Variants in HHAT observed in about 807,000 individuals in gnomAD.
HHAT encodes protein-cysteine N-palmitoyltransferase HHAT.
A neutral mutation model predicts 70.8 loss-of-function variants in HHAT; 47 were observed. The observed-to-expected ratio is 0.66, with a 90% confidence interval of 0.53 to 0.85. HHAT has a LOEUF of 0.85. Ranked by LOEUF, HHAT falls within the 40% of genes least tolerant of loss-of-function variation. HHAT has a pLI of 0.00. For synonymous variants in HHAT, 228 were observed against 247.6 expected (o/e 0.92, Z 0.74); for missense variants, 609 against 604.8 (o/e 1.01, Z -0.07).
intron 4 of HHAT, among the ~76,000 whole-genome samples, chr1:210,395,117 C>G (rs573698281): frequency 2.6e-5 from 4 of 152,224 alleles, no homozygotes; most frequent in African/African-American, 9.6e-5. Flanking sequence ...CCGAATAATG[C>G]TCCCATTGAG....
intron 9 of HHAT, among the ~76,000 whole-genome samples, chr1:210,555,299 G>C (rs905194457): frequency 1.3e-5 from 2 of 152,170 alleles, no homozygotes; most frequent in Non-Finnish European, 2.9e-5. Flanking sequence ...GTGACACCAG[G>C]GTGAAGCCCA....
chr1:210,504,986 C>T (rs755639725), intron 8 of HHAT, among the ~76,000 whole-genome samples: 2 of 150,382 alleles, frequency 1.3e-5, no homozygotes, highest in South Asian at 4.2e-4. Flanking sequence ...CCAACAACCA[C>T]CTCCTGGGTT....
intron 7 of HHAT, among the ~76,000 whole-genome samples, chr1:210,421,652 C>G (rs926413914): frequency 2.0e-5 from 3 of 152,086 alleles, no homozygotes; most frequent in Admixed American, 2.0e-4. Flanking sequence ...ACCATGTTGG[C>G]CAGGCTGGTC....
Position 210,359,712 on chromosome 1 carries a change from C to T in HHAT, c.92-3140C>T, listed in dbSNP as rs898987465. Among the ~76,000 whole-genome samples, 21 of 152,064 alleles carry T rather than the reference C, an allele frequency of 1.4e-4. 1 individual carries two copies. The highest frequency in any genetic ancestry group is 1.2e-3 in the Admixed American group (18 of 15,268). ...AGAAACCCCGTCTCTACTAAAAATA[C>T]AAAAATTAGCTGGGCATAGTGGTGC... On this transcript the variant is annotated intron_variant, in intron 2 of 11. Coordinates refer to ENST00000261458, the MANE Select transcript of HHAT (RefSeq NM_018194.6).
chr1:210,522,925 T>A (rs1214762907), intron 9 of HHAT, among the ~76,000 whole-genome samples: 1 of 152,182 alleles, frequency 6.6e-6, no homozygotes, highest in African/African-American at 2.4e-5. Flanking sequence ...GCTCAAGAAA[T>A]TGCTTGCCAG....
At position 210,674,370 on chromosome 1, in the gene HHAT, C is replaced by T; in HGVS notation, c.1473C>T (p.Ala491=). ...GCATTGCCTGGGCCCAGACCTACGCCACGGACTAATGCTGTTGGGCCCAGG... is the reference window on the plus strand; with the variant it reads ...GCATTGCCTGGGCCCAGACCTACGCTACGGACTAATGCTGTTGGGCCCAGG... The part of the protein sequence containing the change: ...HVGIAWAQTY[A]TD Residue 491 remains alanine (A), a synonymous_variant, in exon 12 of 12, where the codon GCC becomes GCT. Transcript: ENST00000261458. 6.2e-7 allele frequency: 1 copy of T among 1,613,812 alleles called. No homozygotes were observed. The highest frequency in any genetic ancestry group is 8.5e-7 in the Non-Finnish European group (1 of 1,179,702).
intron 3 of HHAT, among the ~76,000 whole-genome samples, chr1:210,386,233 T>TCTTTC (rs1479564678): frequency 4.4e-5 from 2 of 45,092 alleles, no homozygotes; most frequent in Non-Finnish European, 8.0e-5. Context: ...TTTTTTTCTT[T>TCTTTC]TTTTTTTTTT....
At chr1:210,517,513 A>G (rs1377719203) in intron 9 of HHAT, among the ~76,000 whole-genome samples, 5 of 152,140 alleles carry the variant, frequency 3.3e-5, no homozygotes, top group Admixed American at 2.0e-4. Context: ...AAAAAATTGA[A>G]CTCATGGAAA....
chr1:210,629,021 A>G (rs1670376941), intron 11 of HHAT, among the ~76,000 whole-genome samples: 1 of 152,056 alleles, frequency 6.6e-6, no homozygotes, highest in Non-Finnish European at 1.5e-5. Context: ...TTGTGTCTCT[A>G]CCTCACTGGA....
chr1:210,344,192 G>C (rs1367964023), intron 1 of HHAT, among the ~76,000 whole-genome samples: 2 of 152,194 alleles, frequency 1.3e-5, no homozygotes, highest in African/African-American at 2.4e-5. Flanking sequence ...TCCCTGCTTA[G>C]TTACCTGGTG....
chr1:210,346,274 T>C (rs2086518728), intron 1 of HHAT, among the ~76,000 whole-genome samples: 1 of 152,158 alleles, frequency 6.6e-6, no homozygotes, highest in African/African-American at 2.4e-5. Context: ...GAGATCAGCT[T>C]TTTGCTAATC....
At chr1:210,460,940 AG>A (rs1409302320) in intron 7 of HHAT, among the ~76,000 whole-genome samples, 1 of 152,218 alleles carries the variant, frequency 6.6e-6, no homozygotes, top group Non-Finnish European at 1.5e-5. Context: ...ATGTCAAAAG[AG>A]TGTGTAATAC....
chr1:210,563,856 CATGTACTGT>C (rs1222347649), intron 9 of HHAT, among the ~76,000 whole-genome samples: 3 of 152,176 alleles, frequency 2.0e-5, no homozygotes, highest in Non-Finnish European at 4.4e-5. Flanking sequence ...ATTTCTTGAG[CATGTACTGT>C]ATGTTAGCAT....
At chr1:210,371,262 G>T (rs570746062) in intron 3 of HHAT, among the ~76,000 whole-genome samples, 10 of 151,840 alleles carry the variant, frequency 6.6e-5, no homozygotes, top group Admixed American at 1.3e-4. Context: ...AGCGATTCTC[G>T]TGCCTCAGCC....
At chr1:210,419,728 T>C (rs2092838179) in intron 7 of HHAT, among the ~76,000 whole-genome samples, 1 of 152,264 alleles carries the variant, frequency 6.6e-6, no homozygotes, top group Non-Finnish European at 1.5e-5. Flanking sequence ...GCTAGTTTAA[T>C]GATAGTCTCT....
chr1:210,429,213 C>T (rs1009664869), intron 7 of HHAT, among the ~76,000 whole-genome samples: 1 of 151,602 alleles, frequency 6.6e-6, no homozygotes, highest in African/African-American at 2.4e-5. Context: ...TTTTTGCCCC[C>T]GAGTAACATT....
chr1:210,617,916 T>C lies in HHAT; in HGVS notation c.1246-5610T>C, dbSNP rs1668064580. ...GTATTCATTCAGCTTGGATATAAGGTGGGATAGAACATTAAGGAACTCAGG... is the reference window on the plus strand; with the variant it reads ...GTATTCATTCAGCTTGGATATAAGGCGGGATAGAACATTAAGGAACTCAGG... On this transcript the variant is annotated intron_variant, in intron 10 of 11. Transcript: ENST00000261458. Among the ~76,000 whole-genome samples the C allele has an allele frequency of 2.0e-5, 3 of 152,124 alleles. No homozygotes were observed. The South Asian group carries it at 6.2e-4, about 32-fold the overall frequency.
intron 10 of HHAT, chr1:210,588,418 A>G (rs1660961403): frequency 3.7e-6 from 1 of 267,622 alleles, no homozygotes; most frequent in Non-Finnish European, 7.1e-6. Context: ...CCATGTGTAT[A>G]TACAAACAGA....
At chr1:210,491,083 G>GTGTGTC (rs997930532) in intron 8 of HHAT, among the ~76,000 whole-genome samples, 1,950 of 151,836 alleles carry the variant, frequency 0.013, 47 homozygotes, top group African/African-American at 0.045. Flanking sequence ...GTGTGTGTGT[G>GTGTGTC]TGTCTGTGTG....
Sources: gnomAD v4.1 joint callset for allele counts (sites outside exome capture counted in the v4.1 genomes callset) on GRCh38, gnomAD v4.1.1 for gene constraint, MANE v1.5 for transcripts, NCBI Gene and HGNC (gene_info 2026-07-23, HGNC 2026-07-21) for gene names.